LRRC38: variants seen among roughly 807,000 people sequenced by gnomAD.
LRRC38 encodes leucine-rich repeat-containing protein 38.
Under a neutral mutation model 16.4 loss-of-function variants are expected in LRRC38, and 5 were observed. That is an observed-to-expected ratio of 0.31 (90% CI 0.16 to 0.64). The LOEUF (loss-of-function observed/expected upper bound fraction) is 0.64, where lower values mean the gene tolerates loss of function less well. LRRC38 is among the 30% of genes least tolerant of loss of function. The probability of loss-of-function intolerance (pLI) is 0.80; values close to 1 mark genes in which losing one functional copy is unlikely to be tolerated. For missense variants in LRRC38, 341 were observed against 401.8 expected (o/e 0.85, Z 1.29); for synonymous variants, 191 against 190.2 (o/e 1.00, Z -0.04).
At position 13,513,638 on chromosome 1, in the gene LRRC38, C is replaced by T. The variant is rs1248886762; in HGVS notation, c.-45G>A. 2 of 1,041,724 alleles carry T rather than the reference C, an allele frequency of 1.9e-6. No homozygotes were observed. Among genetic ancestry groups the T allele is most frequent in the African/African-American group, 3.4e-5 (2 of 58,234 alleles). The allele number at this position is 1,041,724 out of a possible 1,614,324, so 64.5% of individuals were successfully genotyped here. A position where few individuals can be genotyped will look rare whatever the true frequency, so the allele number is the denominator to read the frequency against. ...GCCGCGGCGAGAAGGAAGCGGCTCT[C>T]GGAGCGAGCCCTGGCGCGGGACGGC... is the stretch of plus-strand genomic sequence containing the variant. On this transcript the variant is annotated 5_prime_UTR_variant, in exon 1 of 2. Coordinates refer to ENST00000376085, the MANE Select transcript of LRRC38 (RefSeq NM_001010847.2).
At chr1:13,497,573 C>T (rs1368529940) in intron 1 of LRRC38, among the ~76,000 whole-genome samples, 1 of 152,022 alleles carries the variant, frequency 6.6e-6, no homozygotes, top group Non-Finnish European at 1.5e-5. Context: ...ACCTTGGCTT[C>T]CTCTCTGGGG....
rs138832217 is a variant in LRRC38, at chr1:13,501,058, G to A, written c.631+11905C>T. 1.7e-3 allele frequency among the ~76,000 whole-genome samples: 259 copies of A among 152,262 alleles called. 1 individual carries two copies. The highest frequency in any genetic ancestry group is 6.0e-3 in the African/African-American group (248 of 41,564). On this transcript the variant is annotated intron_variant, in intron 1 of 1. Transcript: ENST00000376085. ...CATGCAACACAGAATGAACCCTCAT[G>A]TAAACTTGCTGTGGGCTTTAGTGAA...
chr1:13,479,034 G>C (rs141168506), intron 1 of LRRC38, among the ~76,000 whole-genome samples: 35 of 152,168 alleles, frequency 2.3e-4, no homozygotes, highest in Admixed American at 3.3e-4. Context: ...GTTTTTGACT[G>C]TTTCTTTTTC....
chr1:13,503,918 A>T (rs1253847707), intron 1 of LRRC38, among the ~76,000 whole-genome samples: 1 of 152,130 alleles, frequency 6.6e-6, no homozygotes, highest in African/African-American at 2.4e-5. Flanking sequence ...GATGGAGAAG[A>T]TGGGACACCA....
chr1:13,513,011 C>A lies in LRRC38; in HGVS notation c.583G>T (p.Ala195Ser). The A allele has an allele frequency of 3.0e-6, 4 of 1,345,640 alleles. No individual in the cohort carries two copies. Among genetic ancestry groups the A allele is most frequent in the Non-Finnish European group, 3.9e-6 (4 of 1,020,074 alleles). 83.4% of individuals were successfully genotyped at this position (1,345,640 alleles called of 1,614,324 possible). ...TCCTGGATCCAGGAGAAGAGGTGGG[C>A]GAAGTCACAGTCGCACAGCCAGGGG... ...GNPWLCDCDF[A>S]HLFSWIQENA... Residue 195 changes from alanine to serine, a missense_variant, in exon 1 of 2, where the codon GCC becomes TCC. By Grantham distance (99) the Ala-to-Ser change is moderately conservative. Transcript: ENST00000376085.
chr1:13,499,350 C>T (rs776340215), intron 1 of LRRC38, among the ~76,000 whole-genome samples: 6 of 152,170 alleles, frequency 3.9e-5, no homozygotes, highest in East Asian at 1.9e-4. Flanking sequence ...CCACCCGCCC[C>T]GGCCTCCCAA....
At chr1:13,477,648 G>A (rs1013143121) in intron 1 of LRRC38, among the ~76,000 whole-genome samples, 1 of 151,982 alleles carries the variant, frequency 6.6e-6, no homozygotes, top group African/African-American at 2.4e-5. Flanking sequence ...GACCAGCCTG[G>A]GCAACATAGC....
chr1:13,501,876 C>A (rs1639154615), intron 1 of LRRC38, among the ~76,000 whole-genome samples: 1 of 152,120 alleles, frequency 6.6e-6, no homozygotes, highest in African/African-American at 2.4e-5. Context: ...CATTCTCCTG[C>A]CTCAGCCTCC....
chr1:13,475,778 T>A lies in LRRC38; in HGVS notation c.*68A>T. ...CCAGTGCTTTTCCATTTTCAGCATT[T>A]CCCTCTCGTCTTGGAGAGAGCTTCT... On this transcript the variant is annotated 3_prime_UTR_variant, in exon 2 of 2. Transcript: ENST00000376085. This position sits in a 1 kb window ranked among gnomAD's most constrained non-coding sequence, Gnocchi z 4.3. 1.3e-6 allele frequency: 2 copies of A among 1,515,240 alleles called. No homozygotes were observed. Among genetic ancestry groups the A allele is most frequent in the Non-Finnish European group, 1.8e-6 (2 of 1,128,126 alleles). 93.9% of individuals were successfully genotyped at this position (1,515,240 alleles called of 1,614,324 possible). A position where few individuals can be genotyped will look rare whatever the true frequency, so the allele number is the denominator to read the frequency against.
chr1:13,510,174 C>T lies in LRRC38; in HGVS notation c.631+2789G>A, dbSNP rs573707787. On this transcript the variant is annotated intron_variant, in intron 1 of 1. Transcript: ENST00000376085. ...AAGGGTAGGATCCTCTTTGCTCCTT[C>T]CTTCAATTTCCTCCCCCGGAAGAGG... Among the ~76,000 whole-genome samples the T allele has an allele frequency of 6.1e-4, 93 of 152,276 alleles. 1 individual carries two copies. The highest frequency in any genetic ancestry group is 7.4e-5 in the Non-Finnish European group (5 of 68,018).
intron 1 of LRRC38, among the ~76,000 whole-genome samples, chr1:13,483,930 G>C (rs531240899): frequency 6.6e-6 from 1 of 151,084 alleles, no homozygotes; most frequent in Non-Finnish European, 1.5e-5. Flanking sequence ...GGAGAGGAGT[G>C]GGGAGGGGAG....
intron 1 of LRRC38, among the ~76,000 whole-genome samples, chr1:13,489,329 G>A (rs774565711): frequency 1.3e-4 from 20 of 152,198 alleles, no homozygotes; most frequent in African/African-American, 4.8e-4. Context: ...AAAGGCCCAA[G>A]AAATAACAGT....
chr1:13,486,430 C>T (rs376766768), intron 1 of LRRC38, among the ~76,000 whole-genome samples: 78 of 152,208 alleles, frequency 5.1e-4, no homozygotes, highest in African/African-American at 1.8e-3. Context: ...GACCTGGACA[C>T]GCCTTTTCGG....
intron 1 of LRRC38, 47 bp from the exon 2 acceptor site, chr1:13,476,146 A>G: frequency 6.5e-7 from 1 of 1,536,128 alleles, no homozygotes; most frequent in Non-Finnish European, 8.8e-7. Context: ...CTGCAGCTCA[A>G]GGTTGCCTAA....
chr1:13,508,054 T>C (rs892951885), intron 1 of LRRC38, among the ~76,000 whole-genome samples: 1 of 152,002 alleles, frequency 6.6e-6, no homozygotes, highest in African/African-American at 2.4e-5. Flanking sequence ...TTTGCCAATA[T>C]GGTAAAACCC....
intron 1 of LRRC38, among the ~76,000 whole-genome samples, chr1:13,511,884 G>C (rs1205040804): frequency 2.0e-5 from 3 of 152,150 alleles, no homozygotes; most frequent in Non-Finnish European, 4.4e-5. Context: ...ATGACAGTTG[G>C]GAATGAAGAT....
At chr1:13,480,764 C>T (rs996896024) in intron 1 of LRRC38, among the ~76,000 whole-genome samples, 5 of 152,154 alleles carry the variant, frequency 3.3e-5, no homozygotes, top group African/African-American at 1.2e-4. Context: ...GTGAGGCCTC[C>T]CCAGCCATGT....
At chr1:13,499,635 G>T (rs1370327942) in intron 1 of LRRC38, among the ~76,000 whole-genome samples, 1 of 152,160 alleles carries the variant, frequency 6.6e-6, no homozygotes, top group Non-Finnish European at 1.5e-5. Flanking sequence ...GTGTGTACTG[G>T]ATTTAGGAAG....
chr1:13,479,737 G>A (rs938780692), intron 1 of LRRC38, among the ~76,000 whole-genome samples: 1 of 152,182 alleles, frequency 6.6e-6, no homozygotes, highest in Non-Finnish European at 1.5e-5. Flanking sequence ...AAGAAGAAGA[G>A]TTGGACGAAG....
Sources: allele counts gnomAD v4.1 joint callset (sites outside exome capture counted in the v4.1 genomes callset), GRCh38; gene constraint gnomAD v4.1.1; non-coding constraint Gnocchi (gnomAD v3.1); transcripts MANE v1.5; gene names NCBI Gene and HGNC (gene_info 2026-07-23, HGNC 2026-07-21).